The following GNA14 variants were observed in gnomAD, a reference collection of about 807,000 sequenced individuals.
GNA14 encodes the protein guanine nucleotide-binding protein subunit alpha-14.
A neutral mutation model predicts 42.0 loss-of-function variants in GNA14; 50 were observed. The observed-to-expected ratio is 1.19, with a 90% confidence interval of 0.95 to 1.51. The LOEUF is 1.51. GNA14 is among the 40% of genes most tolerant of loss of function. The pLI is 0.00. For synonymous variants in GNA14, 173 were observed against 163.1 expected (o/e 1.06, Z -0.46); for missense variants, 473 against 446.2 (o/e 1.06, Z -0.54).
At chr9:77,440,385 C>G (rs1308043995) in intron 2 of GNA14, among the ~76,000 whole-genome samples, 2 of 152,152 alleles carry the variant, frequency 1.3e-5, no homozygotes, top group African/African-American at 4.8e-5. Context: ...TCCACCAGAT[C>G]CTCCCCACGG....
intron 1 of GNA14, among the ~76,000 whole-genome samples, chr9:77,568,792 G>A (rs1823012882): frequency 6.6e-6 from 1 of 152,198 alleles, no homozygotes; most frequent in Admixed American, 6.5e-5. Flanking sequence ...CAGAGCTGAG[G>A]AGCAGGCTGC....
intron 1 of GNA14, among the ~76,000 whole-genome samples, chr9:77,620,536 T>C (rs367934412): frequency 5.4e-4 from 82 of 152,318 alleles, no homozygotes; most frequent in African/African-American, 1.2e-3. Flanking sequence ...TAAGTTTTCC[T>C]AATCATCCTA....
chr9:77,498,559 G>C (rs1836914629), intron 2 of GNA14, among the ~76,000 whole-genome samples: 1 of 152,072 alleles, frequency 6.6e-6, no homozygotes, highest in Non-Finnish European at 1.5e-5. Flanking sequence ...GTTATAGTAG[G>C]GATTGTGTGA....
intron 1 of GNA14, among the ~76,000 whole-genome samples, chr9:77,594,703 G>A (rs1823437490): frequency 6.6e-6 from 1 of 152,206 alleles, no homozygotes; most frequent in Non-Finnish European, 1.5e-5. Context: ...CAAGCATAAT[G>A]AGAAGCCCTC....
chr9:77,484,166 G>T (rs1836614839), intron 2 of GNA14, among the ~76,000 whole-genome samples: 1 of 152,182 alleles, frequency 6.6e-6, no homozygotes, highest in African/African-American at 2.4e-5. Flanking sequence ...GTCATAATCA[G>T]AACTTGCAGT....
chr9:77,566,252 T>G (rs1158301407), intron 1 of GNA14, among the ~76,000 whole-genome samples: 1 of 150,886 alleles, frequency 6.6e-6, no homozygotes, highest in Non-Finnish European at 1.5e-5. Context: ...CCTCCCAGGT[T>G]CAGGCAATTC....
At chr9:77,514,362 T>G (rs890732179) in intron 2 of GNA14, among the ~76,000 whole-genome samples, 1 of 152,118 alleles carries the variant, frequency 6.6e-6, no homozygotes, top group Non-Finnish European at 1.5e-5. Flanking sequence ...GTTCATAATA[T>G]TGTCTTCACA....
intron 1 of GNA14, among the ~76,000 whole-genome samples, chr9:77,584,770 C>A (rs1449126332): frequency 6.6e-6 from 1 of 152,200 alleles, no homozygotes; most frequent in Non-Finnish European, 1.5e-5. Context: ...TCAAGGGCTG[C>A]TGGTTGCCAA....
At chr9:77,496,561 G>C (rs1836873580) in intron 2 of GNA14, among the ~76,000 whole-genome samples, 1 of 152,194 alleles carries the variant, frequency 6.6e-6, no homozygotes, top group South Asian at 2.1e-4. Flanking sequence ...TGGGTTGCCA[G>C]GTGCGCACAG....
At chr9:77,575,283 G>A (rs1213889294) in intron 1 of GNA14, among the ~76,000 whole-genome samples, 1 of 152,148 alleles carries the variant, frequency 6.6e-6, no homozygotes, top group Non-Finnish European at 1.5e-5. Context: ...CTCAGAAGCG[G>A]AGGCAGGAGA....
chr9:77,579,857 A>G (rs540362059), intron 1 of GNA14, among the ~76,000 whole-genome samples: 3 of 152,248 alleles, frequency 2.0e-5, no homozygotes, highest in East Asian at 1.9e-4. Flanking sequence ...CTTGCCACCA[A>G]TCCCCTTGCT....
rs1000150549 is a variant in GNA14 at position 77,493,794 on chromosome 9, A to G, written c.309+35275T>C. ...ATGGAAGGATTTGCAATGCCCTATC[A>G]TTGGTGGAGGGCTTTTTAACATCTT... On this transcript the variant is annotated intron_variant, in intron 2 of 6. Coordinates refer to ENST00000341700, the MANE Select transcript of GNA14 (RefSeq NM_004297.4). Among the ~76,000 whole-genome samples, 7 of 152,202 alleles carry G rather than the reference A, an allele frequency of 4.6e-5. No homozygotes were observed. The East Asian group carries it at 1.3e-3, about 29-fold the overall frequency.
intron 2 of GNA14, among the ~76,000 whole-genome samples, chr9:77,524,111 A>G (rs1401697978): frequency 6.6e-6 from 1 of 152,096 alleles, no homozygotes; most frequent in African/African-American, 2.4e-5. Flanking sequence ...CCCATAAAAC[A>G]CTCTTGAGAG....
intron 2 of GNA14, among the ~76,000 whole-genome samples, chr9:77,490,017 C>T (rs1437892774): frequency 6.6e-6 from 1 of 152,150 alleles, no homozygotes; most frequent in African/African-American, 2.4e-5. Context: ...GGTGCGTTTA[C>T]AATCCCTGAG....
chr9:77,428,306 C>T (rs1564010846), intron 5 of GNA14, among the ~76,000 whole-genome samples: 1 of 151,964 alleles, frequency 6.6e-6, no homozygotes, highest in South Asian at 2.1e-4. Context: ...GTCTCGATCT[C>T]CTGACCTCGT....
At chr9:77,519,386 G>A (rs1217815482) in intron 2 of GNA14, among the ~76,000 whole-genome samples, 2 of 152,146 alleles carry the variant, frequency 1.3e-5, no homozygotes, top group East Asian at 1.9e-4. Context: ...ACTCCAGCCT[G>A]GGTGACACGG....
chr9:77,424,012 T>C lies in GNA14; in HGVS notation c.1035A>G (p.Leu345=). 1 of 1,608,698 alleles carries C rather than the reference T, an allele frequency of 6.2e-7. No homozygotes were observed. Among genetic ancestry groups the C allele is most frequent in the Non-Finnish European group, 8.5e-7 (1 of 1,177,050 alleles). ...FVFAAVKDTI[L]QLNLREFNLV ...GGTTGAATTCCCTTAGGTTTAGCTG[T>C]AGAATTGTGTCTTTGACAGCAGCAA... The change falls in exon 7 of 7, where the codon CTA becomes CTG. Residue 345 remains leucine, a synonymous_variant. Transcript: ENST00000341700.
intron 1 of GNA14, among the ~76,000 whole-genome samples, chr9:77,579,768 TG>T (rs1382629594): frequency 6.6e-6 from 1 of 152,212 alleles, no homozygotes; most frequent in African/African-American, 2.4e-5. Flanking sequence ...AGTCCTAATT[TG>T]TTCAATTGTG....
chr9:77,431,605 CTCCA>C, intron 3 of GNA14, 156 bp from the exon 4 acceptor site: 1 of 603,202 alleles, frequency 1.7e-6, no homozygotes, highest in Non-Finnish European at 2.9e-6. Flanking sequence ...GGCCAGGCTT[CTCCA>C]TCCTTCCTAC....
Sources: gnomAD v4.1 joint callset for allele counts (sites outside exome capture counted in the v4.1 genomes callset) on GRCh38, gnomAD v4.1.1 for gene constraint, MANE v1.5 for transcripts, NCBI Gene and HGNC (gene_info 2026-07-23, HGNC 2026-07-21) for gene names.